MCF2L2: variants seen among roughly 807,000 people sequenced by gnomAD.
MCF2L2 encodes the protein MCF.2 cell line derived transforming sequence-like 2.
A neutral mutation model predicts 150.2 loss-of-function variants in MCF2L2; 102 were observed. That is an observed-to-expected ratio of 0.68 (90% CI 0.58 to 0.80). The LOEUF (loss-of-function observed/expected upper bound fraction) is 0.80, where lower values mean the gene tolerates loss of function less well. MCF2L2 is among the 30% of genes least tolerant of loss of function. MCF2L2 has a pLI of 0.00. For missense variants in MCF2L2, 1,256 were observed against 1,372.8 expected, an observed-to-expected ratio of 0.91 and a Z score of 1.34; for synonymous variants, 465 against 491.3, an observed-to-expected ratio of 0.95 and a Z score of 0.71.
intron 13 of MCF2L2, among the ~76,000 whole-genome samples, 165 bp from the exon 14 acceptor site, chr3:183,289,385 G>A (rs912812551): frequency 2.0e-5 from 3 of 152,164 alleles, no homozygotes; most frequent in Admixed American, 2.0e-4. Context: ...TGGAGGTGAA[G>A]GAGAGACACA....
At chr3:183,230,471 C>G (rs914742781) in intron 16 of MCF2L2, among the ~76,000 whole-genome samples, 1 of 152,146 alleles carries the variant, frequency 6.6e-6, no homozygotes, top group African/African-American at 2.4e-5. Flanking sequence ...TCATAGTTTA[C>G]TAAACATTCC....
chr3:183,338,453 AAAAAAAAAAAAAG>A (rs1163931815), intron 5 of MCF2L2, among the ~76,000 whole-genome samples: 3 of 151,340 alleles, frequency 2.0e-5, no homozygotes, highest in Admixed American at 6.6e-5. Flanking sequence ...ATCTCAAAAA[AAAAAAAAAAAAAG>A]AAAAAGAAAA....
chr3:183,428,219 G>A lies in MCF2L2; in HGVS notation c.-242C>T. 1 of 488,980 alleles carries A rather than the reference G, an allele frequency of 2.0e-6. No homozygotes were observed. Among genetic ancestry groups the A allele is most frequent in the East Asian group, 3.8e-5 (1 of 26,152 alleles). The allele number at this position is 488,980 out of a possible 1,614,324, so 30.3% of individuals were successfully genotyped here. ...CCAGCGTCGCAGCTGGACCGAGAGA[G>A]GAGCGGCCGTTCTGCAAAAGGAAGC... On this transcript the variant is annotated 5_prime_UTR_variant, in exon 1 of 30. Transcript: ENST00000328913. The surrounding 1 kb of genome is among the most constrained non-coding windows in gnomAD (Gnocchi z 5.1).
At chr3:183,386,863 A>G (rs979385336) in intron 2 of MCF2L2, among the ~76,000 whole-genome samples, 3 of 152,338 alleles carry the variant, frequency 2.0e-5, no homozygotes, top group South Asian at 2.1e-4. Flanking sequence ...GATTCCAAAC[A>G]AAGTGCTGAC....
chr3:183,262,262 G>A (rs1725676233), intron 15 of MCF2L2, among the ~76,000 whole-genome samples: 1 of 148,692 alleles, frequency 6.7e-6, no homozygotes, highest in African/African-American at 2.5e-5. Flanking sequence ...GATACTTTAG[G>A]TTGGTATACA....
In MCF2L2 at chr3:183,295,344, G is replaced by T. The variant is rs201920674; in HGVS notation, c.1631C>A (p.Ser544Ter). 6.2e-7 allele frequency: 1 copy of T among 1,612,948 alleles called. No homozygotes were observed. Among genetic ancestry groups the T allele is most frequent in the Non-Finnish European group, 8.5e-7 (1 of 1,179,516 alleles). Reference sequence around the variant, plus strand: ...GGTTTTTGATGACACCCATTTTGGTGAAGACTCAGGATGTGGGGCCACAGG... The same window carrying T: ...GGTTTTTGATGACACCCATTTTGGTTAAGACTCAGGATGTGGGGCCACAGG... ...VQPVAPHPES[S>*]PKWVSSKTSQ... Residue 544 changes from serine to a stop codon, truncating the protein, a stop_gained, in exon 13 of 30, where the codon TCA becomes TAA. Transcript: ENST00000328913. LOFTEE classifies it high-confidence loss of function.
intron 5 of MCF2L2, among the ~76,000 whole-genome samples, chr3:183,332,232 T>C (rs1388900524): frequency 6.6e-6 from 1 of 152,186 alleles, no homozygotes; most frequent in Non-Finnish European, 1.5e-5. Context: ...TTCTGGAGCA[T>C]CAGCGCTACC....
At position 183,178,666 on chromosome 3, in the gene MCF2L2, A is replaced by G. The variant is rs1174504310; in HGVS notation, c.*714T>C. 1 of 152,248 alleles carries G rather than the reference A, an allele frequency of 6.6e-6. No individual in the cohort carries two copies. The highest frequency in any genetic ancestry group is 1.5e-5 in the Non-Finnish European group (1 of 68,042). 9.4% of individuals were successfully genotyped at this position (152,248 alleles called of 1,614,324 possible). A position where few individuals can be genotyped will look rare whatever the true frequency, so the allele number is the denominator to read the frequency against. ...GCTACAAAGAAATGAAAATCAACTA[A>G]TAAAACTAAAAATAAAATACAACTG... On this transcript the variant is annotated 3_prime_UTR_variant, in exon 30 of 30. Transcript: ENST00000328913.
At chr3:183,294,383 C>T (rs1728341662) in intron 13 of MCF2L2, among the ~76,000 whole-genome samples, 2 of 151,736 alleles carry the variant, frequency 1.3e-5, no homozygotes. Flanking sequence ...CAGAGTTTTG[C>T]TCTTGTCGCC....
At chr3:183,400,162 A>G (rs1714664368) in intron 1 of MCF2L2, among the ~76,000 whole-genome samples, 1 of 152,212 alleles carries the variant, frequency 6.6e-6, no homozygotes, top group Non-Finnish European at 1.5e-5. Context: ...ACCATCTACA[A>G]TATTGTAATA....
At chr3:183,217,736 C>A (rs1441700082) in intron 21 of MCF2L2, among the ~76,000 whole-genome samples, 1 of 152,166 alleles carries the variant, frequency 6.6e-6, no homozygotes, top group Non-Finnish European at 1.5e-5. Context: ...TTGTCCCTGG[C>A]CCTCCCCACA....
At chr3:183,409,609 C>A (rs182941593) in intron 1 of MCF2L2, among the ~76,000 whole-genome samples, 1 of 139,618 alleles carries the variant, frequency 7.2e-6, no homozygotes, top group Non-Finnish European at 1.5e-5. Context: ...GGCTGGAGTG[C>A]GATGGTGAAA....
At chr3:183,192,758 G>A (rs1721942426) in intron 27 of MCF2L2, 1 of 415,562 alleles carries the variant, frequency 2.4e-6, no homozygotes, top group Non-Finnish European at 4.3e-6. Context: ...GTGGATAAGG[G>A]GGTGCTCCTG....
chr3:183,297,067 G>A lies in MCF2L2; in HGVS notation c.1406C>T (p.Ala469Val), dbSNP rs138279265. The change falls in exon 12 of 30, where the codon GCG becomes GTG. Residue 469 changes from alanine to valine, a missense_variant. Physicochemically the swap from Ala to Val is moderately conservative, Grantham distance 64 (BLOSUM62 0). Transcript: ENST00000328913. ...EGVDIALNDIATFLGTVKEYP... is the reference protein window; with the variant it reads ...EGVDIALNDIVTFLGTVKEYP... ...CTCCTTGACTGTGCCCAGGAATGTC[G>A]CAATGTCGTTCAAGGCGATATCAAC... The A allele has an allele frequency of 3.1e-5, 50 of 1,614,154 alleles. 1 individual carries two copies. In the African/African-American group the frequency reaches 4.0e-4, roughly 13 times the overall value.
At chr3:183,370,113 C>A (rs577549753) in intron 3 of MCF2L2, among the ~76,000 whole-genome samples, 234 of 152,268 alleles carry the variant, frequency 1.5e-3, no homozygotes, top group Middle Eastern at 3.4e-3. Flanking sequence ...CCCGGTGAAA[C>A]CCCCTCTCCA....
At chr3:183,309,170 A>G (rs115572376) in intron 10 of MCF2L2, among the ~76,000 whole-genome samples, 4 of 152,358 alleles carry the variant, frequency 2.6e-5, no homozygotes, top group Non-Finnish European at 5.9e-5. Flanking sequence ...TTGGGACATG[A>G]GAAAGGAGAA....
intron 3 of MCF2L2, chr3:183,374,058 T>C (rs533569231): frequency 1.2e-4 from 19 of 153,030 alleles, no homozygotes; most frequent in African/African-American, 4.3e-4. Context: ...CCTGTCTCAG[T>C]GTAGAATCCC....
chr3:183,288,408 C>G (rs1425219927), intron 14 of MCF2L2, among the ~76,000 whole-genome samples: 1 of 151,932 alleles, frequency 6.6e-6, no homozygotes, highest in East Asian at 1.9e-4. Context: ...AGAGCCTATT[C>G]AGGGTTCACC....
intron 3 of MCF2L2, among the ~76,000 whole-genome samples, chr3:183,370,230 C>T (rs970416084): frequency 6.6e-6 from 1 of 152,194 alleles, no homozygotes. Context: ...TGGATCCCCA[C>T]CCCTCATGTA....
Sources: allele counts gnomAD v4.1 joint callset (sites outside exome capture counted in the v4.1 genomes callset), GRCh38; gene constraint gnomAD v4.1.1; non-coding constraint Gnocchi (gnomAD v3.1); transcripts MANE v1.5; gene names NCBI Gene and HGNC (gene_info 2026-07-23, HGNC 2026-07-21).